Variants in ETS1 observed in about 807,000 individuals in gnomAD.
ETS1 encodes the protein ETS proto-oncogene 1, transcription factor.
Under a neutral mutation model 58.6 loss-of-function variants are expected in ETS1, and 15 were observed. The observed-to-expected ratio is 0.26, with a 90% confidence interval of 0.17 to 0.39. ETS1 has a LOEUF of 0.39. ETS1 is among the 10% of genes least tolerant of loss of function. The pLI, the probability that ETS1 is intolerant of heterozygous loss-of-function variation, is 1.00. For missense variants in ETS1, 417 were observed against 610.5 expected, an observed-to-expected ratio of 0.68 and a Z score of 3.34; for synonymous variants, 214 against 218.2, an observed-to-expected ratio of 0.98 and a Z score of 0.17.
At chr11:128,539,116 A>T (rs530491505) in intron 3 of ETS1, among the ~76,000 whole-genome samples, 1 of 152,238 alleles carries the variant, frequency 6.6e-6, no homozygotes, top group Non-Finnish European at 1.5e-5. Flanking sequence ...AAACAGGATT[A>T]AATCTTCATA....
rs1002334879 is a variant in ETS1, at chr11:128,482,872, G to A, written c.862+1951C>T. ...TCAGAGCACTCAAAACAGAAGATGC[G>A]GCAGCACCCAGCCACCCACTGAGTA... is the stretch of plus-strand genomic sequence containing the variant. On this transcript the variant is annotated intron_variant, in intron 7 of 9. Coordinates refer to ENST00000392668, the MANE Select transcript of ETS1 (RefSeq NM_001143820.2). Among the ~76,000 whole-genome samples the A allele has an allele frequency of 3.3e-5, 5 of 152,122 alleles. No homozygotes were observed. In the East Asian group the frequency reaches 5.8e-4, roughly 18 times the overall value.
chr11:128,573,919 T>C (rs1864690195), intron 1 of ETS1, among the ~76,000 whole-genome samples: 1 of 152,232 alleles, frequency 6.6e-6, no homozygotes, highest in African/African-American at 2.4e-5. Context: ...TCTCGAAGAT[T>C]AAATTCCTAG....
At chr11:128,573,666 T>C (rs1864684325) in intron 1 of ETS1, among the ~76,000 whole-genome samples, 1 of 152,152 alleles carries the variant, frequency 6.6e-6, no homozygotes, top group African/African-American at 2.4e-5. Context: ...GCAAAAGGGA[T>C]TGAGCATTAT....
chr11:128,520,512 G>C (rs1420845463), intron 3 of ETS1, among the ~76,000 whole-genome samples: 1 of 152,216 alleles, frequency 6.6e-6, no homozygotes. Flanking sequence ...TCAATCAACT[G>C]ACAAACAGAA....
chr11:128,551,309 C>A (rs1392996558), intron 3 of ETS1, among the ~76,000 whole-genome samples: 1 of 152,210 alleles, frequency 6.6e-6, no homozygotes, highest in African/African-American at 2.4e-5. Context: ...GCTGAGACAT[C>A]CCACCTGGTT....
intron 3 of ETS1, 138 bp from the exon 4 acceptor site, chr11:128,490,714 A>ATTTTT (rs35432800): frequency 2.1e-4 from 68 of 331,680 alleles, no homozygotes; most frequent in South Asian, 3.3e-4. Flanking sequence ...AGAGCAGGCA[A>ATTTTT]TTTTTTTTTT....
chr11:128,584,985 AGAAAGGAAGGAAGGAAGGAAAGAAAG>A lies in ETS1; in HGVS notation c.-15+2477_-15+2502del, dbSNP rs1232494052. Among the ~76,000 whole-genome samples, 167 of 62,076 alleles carry A rather than the reference AGAAAGGAAGGAAGGAAGGAAAGAAAG, an allele frequency of 2.7e-3. 17 individuals carry two copies. Among genetic ancestry groups the A allele is most frequent in the African/African-American group, 0.013 (157 of 12,198 alleles). The allele number at this position is 62,076 out of a possible 152,430, so 40.7% of individuals were successfully genotyped here. A position where few individuals can be genotyped will look rare whatever the true frequency, so the allele number is the denominator to read the frequency against. On this transcript the variant is annotated intron_variant, in intron 1 of 9. Coordinates refer to ENST00000392668, the MANE Select transcript of ETS1 (RefSeq NM_001143820.2). ...AAGAAAGAAAGAAAGAAAGAAAGAA[AGAAAGGAAGGAAGGAAGGAAAGAAAG>A]GAAAGAAAGAAGAAAGAAAGAAAAG... is the stretch of plus-strand genomic sequence containing the variant.
chr11:128,490,722 T>TC (rs1862774063), intron 3 of ETS1, 146 bp from the exon 4 acceptor site: 2 of 571,066 alleles, frequency 3.5e-6, no homozygotes, highest in East Asian at 3.1e-5. Context: ...CAATTTTTTT[T>TC]TTTTTTTTTT....
chr11:128,578,358 C>T (rs1591677224), intron 1 of ETS1, among the ~76,000 whole-genome samples: 1 of 152,220 alleles, frequency 6.6e-6, no homozygotes, highest in Non-Finnish European at 1.5e-5. Context: ...TCTGACCCTG[C>T]TTGGCTGTAT....
intron 3 of ETS1, among the ~76,000 whole-genome samples, chr11:128,539,246 T>A (rs147570929): frequency 3.8e-4 from 58 of 152,272 alleles, no homozygotes; most frequent in African/African-American, 1.3e-3. Flanking sequence ...ATTCTAAACA[T>A]CCAGAAAGTA....
intron 1 of ETS1, among the ~76,000 whole-genome samples, chr11:128,578,228 G>A (rs904149815): frequency 6.6e-6 from 1 of 152,130 alleles, no homozygotes; most frequent in African/African-American, 2.4e-5. Flanking sequence ...GGCAGGTTGA[G>A]AGACACAGAA....
chr11:128,520,416 T>C (rs1461649411), intron 3 of ETS1, among the ~76,000 whole-genome samples: 2 of 152,206 alleles, frequency 1.3e-5, no homozygotes, highest in African/African-American at 4.8e-5. Context: ...TAACAACACA[T>C]ATAAACAAGC....
chr11:128,520,279 T>C (rs147457023), intron 3 of ETS1, among the ~76,000 whole-genome samples: 40 of 152,344 alleles, frequency 2.6e-4, no homozygotes, highest in African/African-American at 7.9e-4. Context: ...CACTGTGATC[T>C]GAAACATGTG....
At chr11:128,483,175 T>C (rs1013005916) in intron 7 of ETS1, among the ~76,000 whole-genome samples, 2 of 151,994 alleles carry the variant, frequency 1.3e-5, no homozygotes, top group African/African-American at 4.8e-5. Context: ...GGAAGAAGAG[T>C]GGAGCCAGAA....
chr11:128,490,098 A>G (rs139190504), intron 4 of ETS1, among the ~76,000 whole-genome samples: 28 of 152,338 alleles, frequency 1.8e-4, no homozygotes, highest in African/African-American at 6.5e-4. Context: ...ATAACATGCA[A>G]TCTTCATACA....
At chr11:128,565,409 A>G (rs1864477305) in intron 2 of ETS1, among the ~76,000 whole-genome samples, 1 of 152,140 alleles carries the variant, frequency 6.6e-6, no homozygotes, top group African/African-American at 2.4e-5. Context: ...ATAAATTTCT[A>G]TTCTTTTTGA....
rs145338532 is a variant in ETS1 at position 128,555,291 on chromosome 11, T to G, written c.214+1000A>C. 2.4e-3 allele frequency among the ~76,000 whole-genome samples: 361 copies of G among 152,312 alleles called. 5 individuals carry two copies. The highest frequency in any genetic ancestry group is 8.4e-3 in the African/African-American group (350 of 41,572). On this transcript the variant is annotated intron_variant, in intron 3 of 9. Transcript: ENST00000392668. ...GCATGGGCAACAAAGCAAACATTTA[T>G]TTTACTTCTCCACTGTTATTTAAGT...
intron 2 of ETS1, among the ~76,000 whole-genome samples, chr11:128,571,500 T>TCCAGCCTGGA (rs1565414945): frequency 8.3e-5 from 3 of 36,118 alleles, no homozygotes; most frequent in African/African-American, 3.7e-4. Flanking sequence ...CAAGACTCCG[T>TCCAGCCTGGA]CAAAAAAAAA....
At chr11:128,580,379 T>C (rs946021431) in intron 1 of ETS1, among the ~76,000 whole-genome samples, 1 of 152,036 alleles carries the variant, frequency 6.6e-6, no homozygotes, top group Non-Finnish European at 1.5e-5. Flanking sequence ...ATTTCCCAAA[T>C]CATTTGAGTA....
Sources: gnomAD v4.1 joint callset for allele counts (sites outside exome capture counted in the v4.1 genomes callset) on GRCh38, gnomAD v4.1.1 for gene constraint, MANE v1.5 for transcripts, NCBI Gene and HGNC (gene_info 2026-07-23, HGNC 2026-07-21) for gene names.